Variants in PCBP3 observed in about 807,000 individuals in gnomAD.
The protein encoded by PCBP3 is poly(rC) binding protein 3.
In PCBP3, 25 loss-of-function variants were observed where a neutral mutation model predicts 52.7. That is an observed-to-expected ratio of 0.47 (90% CI 0.35 to 0.66). The LOEUF (loss-of-function observed/expected upper bound fraction) is 0.66. Ranked by LOEUF, PCBP3 falls within the 30% of genes least tolerant of loss-of-function variation. The probability of loss-of-function intolerance (pLI) is 0.01; values close to 1 mark genes in which losing one functional copy is unlikely to be tolerated. For missense variants in PCBP3, 391 were observed against 490.3 expected, an observed-to-expected ratio of 0.80 and a Z score of 1.91; for synonymous variants, 162 against 183.0, an observed-to-expected ratio of 0.89 and a Z score of 0.93.
At chr21:45,799,950 C>G (rs2092225296) in intron 4 of PCBP3, among the ~76,000 whole-genome samples, 1 of 152,212 alleles carries the variant, frequency 6.6e-6, no homozygotes, top group Non-Finnish European at 1.5e-5. Context: ...CAGGTTGGCA[C>G]CGGGCTCTCC....
intron 2 of PCBP3, among the ~76,000 whole-genome samples, chr21:45,676,958 AGGC>A (rs1270790969): frequency 6.6e-6 from 1 of 151,990 alleles, no homozygotes; most frequent in Non-Finnish European, 1.5e-5. Flanking sequence ...TTTTTAGTAG[AGGC>A]GGGGTTTCGC....
chr21:45,880,282 G>A lies in PCBP3; in HGVS notation c.11-15926G>A, dbSNP rs574661058. Among the ~76,000 whole-genome samples the A allele has an allele frequency of 1.8e-4, 28 of 152,162 alleles. No homozygotes were observed. Among genetic ancestry groups the A allele is most frequent in the Non-Finnish European group, 2.5e-4 (17 of 68,016 alleles). On this transcript the variant is annotated intron_variant, in intron 5 of 17. Transcript: ENST00000681687. This position sits in a 1 kb window ranked among gnomAD's most constrained non-coding sequence, Gnocchi z 5.4. ...CTCTACCCTGCTGGCCCTGGGCCTC[G>A]GAGGGGAGGGGAGCGCCTGGGGCGC...
intron 5 of PCBP3, among the ~76,000 whole-genome samples, chr21:45,851,233 G>A (rs576034082): frequency 1.2e-4 from 19 of 152,352 alleles, no homozygotes; most frequent in African/African-American, 4.6e-4. Context: ...AAAGTGGAAG[G>A]GCCGGGCGTG....
At chr21:45,679,956 C>T (rs146421539) in intron 2 of PCBP3, among the ~76,000 whole-genome samples, 61 of 152,310 alleles carry the variant, frequency 4.0e-4, no homozygotes, top group South Asian at 8.3e-4. Flanking sequence ...GAAAGTCTAT[C>T]CTCTCACCAG....
intron 13 of PCBP3, among the ~76,000 whole-genome samples, chr21:45,919,995 G>A (rs2074204703): frequency 6.6e-6 from 1 of 152,222 alleles, no homozygotes. Context: ...TAAGGACTCA[G>A]GACAGGTGGT....
Position 45,827,779 on chromosome 21 carries a change from A to T in PCBP3, c.-125-22182A>T, listed in dbSNP as rs528441003. On this transcript the variant is annotated intron_variant, in intron 4 of 17. Transcript: ENST00000681687. The surrounding 1 kb of genome is among the most constrained non-coding windows in gnomAD (Gnocchi z 4.3). ...CTCAATTAAAAGACCCAGAAAGTTTAAAATGAAAGAGATGGAGGAGTTGCC... is the reference window on the plus strand; with the variant it reads ...CTCAATTAAAAGACCCAGAAAGTTTTAAATGAAAGAGATGGAGGAGTTGCC... 1.3e-5 allele frequency among the ~76,000 whole-genome samples: 2 copies of T among 152,212 alleles called. No homozygotes were observed. The highest frequency in any genetic ancestry group is 2.9e-5 in the Non-Finnish European group (2 of 68,038).
At chr21:45,834,726 G>A (rs1872085226) in intron 4 of PCBP3, among the ~76,000 whole-genome samples, 1 of 152,242 alleles carries the variant, frequency 6.6e-6, no homozygotes, top group South Asian at 2.1e-4. Flanking sequence ...TCTCTCAGAG[G>A]GGGCCCACGA....
chr21:45,662,635 G>A (rs1201098516), intron 1 of PCBP3, among the ~76,000 whole-genome samples: 1 of 151,846 alleles, frequency 6.6e-6, no homozygotes, highest in Non-Finnish European at 1.5e-5. Context: ...TTAGTTTGTA[G>A]TAATTACTCT....
intron 5 of PCBP3, among the ~76,000 whole-genome samples, chr21:45,856,997 G>T (rs893905788): frequency 8.5e-5 from 13 of 152,332 alleles, no homozygotes; most frequent in African/African-American, 2.9e-4. Flanking sequence ...ATAAAGCATT[G>T]TGGAGACCAA....
At position 45,827,583 on chromosome 21, in the gene PCBP3, G is replaced by A. The variant is rs1372654153; in HGVS notation, c.-125-22378G>A. ...AGTCTCAGCCAAGCGAAGACGGAGG[G>A]CCAACCAAGTCGAGGTTTCAGAACT... is the stretch of plus-strand genomic sequence containing the variant. On this transcript the variant is annotated intron_variant, in intron 4 of 17. Coordinates refer to ENST00000681687, the MANE Select transcript of PCBP3 (RefSeq NM_001384156.1). This position sits in a 1 kb window ranked among gnomAD's most constrained non-coding sequence, Gnocchi z 4.3. 6.6e-6 allele frequency among the ~76,000 whole-genome samples: 1 copy of A among 152,180 alleles called. No individual in the cohort carries two copies. The highest frequency in any genetic ancestry group is 1.5e-5 in the Non-Finnish European group (1 of 68,030).
chr21:45,860,099 T>C (rs897769577), intron 5 of PCBP3, among the ~76,000 whole-genome samples: 15 of 152,262 alleles, frequency 9.9e-5, no homozygotes, highest in Non-Finnish European at 2.1e-4. Flanking sequence ...CCTCCTGGAC[T>C]TCAGTGGGTA....
rs543356133 is a variant in PCBP3 at position 45,841,042 on chromosome 21, C to T, written c.-125-8919C>T. Among the ~76,000 whole-genome samples the T allele has an allele frequency of 6.6e-5, 10 of 152,280 alleles. No individual in the cohort carries two copies. The South Asian group carries it at 1.0e-3, about 16-fold the overall frequency. ...TTCAGTACAGTCATGTGTTGTGTAC[C>T]GCTTTGTAGCCTAGGAGCAATAGGC... On this transcript the variant is annotated intron_variant, in intron 4 of 17. Transcript: ENST00000681687.
At chr21:45,810,852 T>C (rs1231245788) in intron 4 of PCBP3, among the ~76,000 whole-genome samples, 1 of 152,190 alleles carries the variant, frequency 6.6e-6, no homozygotes, top group East Asian at 1.9e-4. Context: ...TATAGAGATA[T>C]TCAAATTTCC....
At chr21:45,913,857 G>A in intron 11 of PCBP3, 94 bp from the exon 12 acceptor site, 1 of 1,164,592 alleles carries the variant, frequency 8.6e-7, no homozygotes, top group Non-Finnish European at 1.2e-6. Context: ...GCTGGTGCAG[G>A]GGGCTGAGTG....
intron 4 of PCBP3, among the ~76,000 whole-genome samples, chr21:45,814,642 GTGAGTGGTGAGTGAGTGGTGAGTGA>G (rs1226960733): frequency 4.6e-4 from 56 of 121,936 alleles, no homozygotes; most frequent in African/African-American, 1.6e-3. Flanking sequence ...TGAGTGGTGA[GTGAGTGGTGAGTGAGTGGTGAGTGA>G]TGAGTGGTGA....
intron 3 of PCBP3, among the ~76,000 whole-genome samples, chr21:45,743,034 G>GT (rs2086564485): frequency 6.6e-6 from 1 of 152,074 alleles, no homozygotes; most frequent in Non-Finnish European, 1.5e-5. Flanking sequence ...TATTTAAATA[G>GT]TTTCCTATAT....
intron 4 of PCBP3, among the ~76,000 whole-genome samples, chr21:45,815,827 G>A (rs2092919375): frequency 8.2e-6 from 1 of 122,290 alleles, no homozygotes; most frequent in Admixed American, 7.6e-5. Flanking sequence ...AGTGGTGAGT[G>A]GTGAGTGAGT....
chr21:45,849,201 TTTTTTTTTTC>T (rs2093897676), intron 4 of PCBP3, among the ~76,000 whole-genome samples: 3 of 149,126 alleles, frequency 2.0e-5, no homozygotes, highest in Admixed American at 2.0e-4. Flanking sequence ...ATATGCCTTT[TTTTTTTTTTC>T]TTTTTTGAGA....
In PCBP3 at chr21:45,644,513, C is replaced by CTT. The variant is rs11419695; in HGVS notation, c.-279+652_-279+653dup. On this transcript the variant is annotated intron_variant, in intron 1 of 17. Transcript: ENST00000681687. ...TCTTGTTTCGTGAAAGAGTTTTTTT[C>CTT]TTTTTTTTGCCTGGTGATGTTTTCC... Among the ~76,000 whole-genome samples the CTT allele has an allele frequency of 2.8e-4, 42 of 151,736 alleles. 1 individual carries two copies. The highest frequency in any genetic ancestry group is 8.0e-4 in the African/African-American group (33 of 41,362).
Sources: gnomAD v4.1 joint callset for allele counts (sites outside exome capture counted in the v4.1 genomes callset) on GRCh38, gnomAD v4.1.1 for gene constraint, Gnocchi (gnomAD v3.1) non-coding constraint, MANE v1.5 for transcripts, NCBI Gene and HGNC (gene_info 2026-07-23, HGNC 2026-07-21) for gene names.